Variants in COG5 observed in about 807,000 individuals in gnomAD.
COG5 encodes component of oligomeric golgi complex 5, also known as conserved oligomeric Golgi complex subunit 5.
A neutral mutation model predicts 110.4 loss-of-function variants in COG5; 86 were observed. That is an observed-to-expected ratio of 0.78 (90% CI 0.65 to 0.93). The LOEUF is 0.93. Among genes scored for constraint, COG5 ranks in the 40% least tolerant of loss-of-function variants. The pLI is 0.00. For synonymous variants in COG5, 360 were observed against 334.6 expected, an observed-to-expected ratio of 1.08 and a Z score of -0.83; for missense variants, 1,077 against 987.0, an observed-to-expected ratio of 1.09 and a Z score of -1.22.
intron 5 of COG5, among the ~76,000 whole-genome samples, chr7:107,544,230 G>C (rs1220343362): frequency 2.0e-5 from 3 of 151,822 alleles, no homozygotes; most frequent in East Asian, 3.9e-4. Context: ...ATGGTCCCAG[G>C]TGCCAGTGAA....
chr7:107,397,883 C>T (rs1039683771), intron 7 of COG5, among the ~76,000 whole-genome samples: 3 of 151,222 alleles, frequency 2.0e-5, no homozygotes, highest in South Asian at 2.1e-4. Context: ...AACCTCAAAA[C>T]GCAAAGGTAT....
intron 6 of COG5, among the ~76,000 whole-genome samples, chr7:107,485,561 G>A (rs1797610896): frequency 6.6e-6 from 1 of 152,078 alleles, no homozygotes; most frequent in Non-Finnish European, 1.5e-5. Flanking sequence ...TGAATAACAT[G>A]TCACAGAATC....
At chr7:107,536,782 CA>C (rs1262847258) in intron 5 of COG5, among the ~76,000 whole-genome samples, 1 of 152,096 alleles carries the variant, frequency 6.6e-6, no homozygotes, top group African/African-American at 2.4e-5. Flanking sequence ...CATATGGAAC[CA>C]AAAAAGAGCC....
intron 6 of COG5, chr7:107,450,510 A>C (rs10243340): frequency 6.6e-6 from 1 of 152,098 alleles, no homozygotes; most frequent in Non-Finnish European, 1.5e-5. Context: ...AAATCATTGA[A>C]GAGAAAGGAT....
Position 107,558,119 on chromosome 7 carries a change from G to C in COG5, c.95-4C>G, listed in dbSNP as rs1443490288. ...TTTAAAAAGTCACTATAACACCCTG[G>C]ATTGGGGAAAAAATAAGGAAAAGTC... On this transcript the variant is annotated splice_polypyrimidine_tract_variant and splice_region_variant and intron_variant, in intron 1 of 21. Transcript: ENST00000297135. The C allele has an allele frequency of 1.2e-6, 2 of 1,613,306 alleles. No individual in the cohort carries two copies. The highest frequency in any genetic ancestry group is 3.3e-5 in the Admixed American group (2 of 60,000).
chr7:107,411,853 A>G (rs919464542), intron 7 of COG5, among the ~76,000 whole-genome samples: 1 of 152,152 alleles, frequency 6.6e-6, no homozygotes, highest in Non-Finnish European at 1.5e-5. Context: ...GCCCAATACA[A>G]ACGGAGAAAA....
chr7:107,298,193 T>A lies in COG5; in HGVS notation c.1262A>T (p.His421Leu). ...TATATCTTGTGCATCATCTTCCATGTGTTGTAGGTCAACATAGAGGTCTGT... is the reference window on the plus strand; with the variant it reads ...TATATCTTGTGCATCATCTTCCATGAGTTGTAGGTCAACATAGAGGTCTGT... The part of the protein sequence containing the change: ...GTTDLYVDLQ[H>L]MEDDAQDIFI... Residue 421 changes from histidine to leucine, a missense_variant, in exon 12 of 22, where the codon CAC (histidine) becomes CTC (leucine). By Grantham distance (99) the His-to-Leu change is moderately conservative. Coordinates refer to ENST00000297135, the MANE Select transcript of COG5 (RefSeq NM_006348.5). The A allele has an allele frequency of 6.2e-7, 1 of 1,613,250 alleles. No homozygotes were observed. Among genetic ancestry groups the A allele is most frequent in the Non-Finnish European group, 8.5e-7 (1 of 1,179,482 alleles).
chr7:107,223,124 C>CT (rs1412685310), intron 19 of COG5, among the ~76,000 whole-genome samples: 2 of 152,150 alleles, frequency 1.3e-5, no homozygotes. Flanking sequence ...GCTGAAGGGC[C>CT]TGGGAAGGCA....
intron 6 of COG5, among the ~76,000 whole-genome samples, chr7:107,501,797 T>C (rs916091375): frequency 6.6e-6 from 1 of 152,146 alleles, no homozygotes; most frequent in Non-Finnish European, 1.5e-5. Flanking sequence ...TGGTGGTGGC[T>C]GAACCCAGTC....
intron 16 of COG5, among the ~76,000 whole-genome samples, chr7:107,250,032 T>C (rs994527883): frequency 6.6e-6 from 1 of 152,072 alleles, no homozygotes; most frequent in Non-Finnish European, 1.5e-5. Flanking sequence ...TAGGAATTTA[T>C]CCTAAAGGTA....
intron 6 of COG5, among the ~76,000 whole-genome samples, chr7:107,463,922 T>C (rs1796150544): frequency 1.3e-5 from 2 of 152,250 alleles, no homozygotes; most frequent in South Asian, 4.2e-4. Flanking sequence ...CAGTCCTCAG[T>C]GCCTTCAGCC....
chr7:107,432,161 T>C (rs1026897317), intron 6 of COG5, among the ~76,000 whole-genome samples: 5 of 152,208 alleles, frequency 3.3e-5, no homozygotes, highest in Non-Finnish European at 7.3e-5. Flanking sequence ...GACCATATCC[T>C]ATCTCATGTG....
At chr7:107,530,692 T>C (rs1801144651) in intron 5 of COG5, among the ~76,000 whole-genome samples, 1 of 151,968 alleles carries the variant, frequency 6.6e-6, no homozygotes, top group African/African-American at 2.4e-5. Context: ...ACAGATTATG[T>C]TGAATCTTCT....
At chr7:107,302,994 G>A (rs2116944195) in intron 11 of COG5, among the ~76,000 whole-genome samples, 1 of 152,298 alleles carries the variant, frequency 6.6e-6, no homozygotes, top group South Asian at 2.1e-4. Flanking sequence ...ATGAAGGCAA[G>A]GACAATGCCT....
At chr7:107,506,624 G>T (rs941013035) in intron 6 of COG5, among the ~76,000 whole-genome samples, 5 of 152,060 alleles carry the variant, frequency 3.3e-5, no homozygotes, top group African/African-American at 1.2e-4. Flanking sequence ...TACTTCGCAA[G>T]GCAGATCTCA....
At position 107,203,608 on chromosome 7, in the gene COG5, G is replaced by A; in HGVS notation, c.2398C>T (p.Gln800Ter). The A allele has an allele frequency of 6.2e-7, 1 of 1,613,712 alleles. No individual in the cohort carries two copies. Among genetic ancestry groups the A allele is most frequent in the South Asian group, 1.1e-5 (1 of 91,078 alleles). ...LIRGALEAYVQSVRSREGKEF... is the reference protein window; with the variant it reads ...LIRGALEAYV ...TTGCCTTCTCTACTTCTCACTGATT[G>A]AACATAAGCTTCCAGGGCTCCCCTG... is the stretch of plus-strand genomic sequence containing the variant. The change falls in exon 22 of 22, where the codon CAA becomes TAA. Residue 800 changes from glutamine to a stop codon, truncating the protein, a stop_gained. Transcript: ENST00000297135. LOFTEE classifies it high-confidence loss of function.
intron 6 of COG5, among the ~76,000 whole-genome samples, chr7:107,519,845 A>C (rs772406574): frequency 2.0e-4 from 30 of 152,334 alleles, no homozygotes; most frequent in Non-Finnish European, 4.0e-4. Flanking sequence ...CAACAAAAAA[A>C]GAAAACTTCA....
chr7:107,453,223 A>T (rs771093456), intron 6 of COG5, among the ~76,000 whole-genome samples: 1 of 152,232 alleles, frequency 6.6e-6, no homozygotes, highest in Non-Finnish European at 1.5e-5. Flanking sequence ...TAAGCATTAC[A>T]ACTGAAAGTA....
intron 6 of COG5, among the ~76,000 whole-genome samples, chr7:107,525,820 G>C (rs1299487392): frequency 6.6e-6 from 1 of 152,148 alleles, no homozygotes; most frequent in African/African-American, 2.4e-5. Flanking sequence ...CTGGCCTCAA[G>C]CAATTCTGCC....
Sources: gnomAD v4.1 joint callset for allele counts (sites outside exome capture counted in the v4.1 genomes callset) on GRCh38, gnomAD v4.1.1 for gene constraint, MANE v1.5 for transcripts, NCBI Gene and HGNC (gene_info 2026-07-23, HGNC 2026-07-21) for gene names.